SLC17A8: variants seen among roughly 807,000 people sequenced by gnomAD.
SLC17A8 encodes vesicular glutamate transporter 3.
In SLC17A8, 31 loss-of-function variants were observed where a neutral mutation model predicts 58.0. The ratio of observed to expected loss-of-function variants is 0.53; its 90% CI spans 0.40 to 0.72. The LOEUF (loss-of-function observed/expected upper bound fraction) is 0.72, where lower values mean the gene tolerates loss of function less well. Among genes scored for constraint, SLC17A8 ranks in the 30% least tolerant of loss-of-function variants. The pLI is 0.00. For missense variants in SLC17A8, 655 were observed against 727.8 expected, an observed-to-expected ratio of 0.90 and a Z score of 1.15; for synonymous variants, 228 against 249.0, an observed-to-expected ratio of 0.92 and a Z score of 0.79.
chr12:100,378,910 T>C (rs968874638), intron 1 of SLC17A8, among the ~76,000 whole-genome samples: 5 of 152,206 alleles, frequency 3.3e-5, no homozygotes, highest in African/African-American at 1.2e-4. Flanking sequence ...TTGATTTCAA[T>C]AAAACCCACA....
At chr12:100,359,298 C>CT (rs1350410847) in intron 1 of SLC17A8, among the ~76,000 whole-genome samples, 1 of 151,844 alleles carries the variant, frequency 6.6e-6, no homozygotes. Context: ...AATTTGATTG[C>CT]TTTTTTCAAT....
At chr12:100,395,577 G>A (rs911802292) in intron 4 of SLC17A8, among the ~76,000 whole-genome samples, 6 of 151,806 alleles carry the variant, frequency 4.0e-5, no homozygotes, top group Non-Finnish European at 7.4e-5. Context: ...CGCCCACCTC[G>A]GCCTCCCAAA....
chr12:100,401,542 C>T (rs1952791337), intron 5 of SLC17A8, among the ~76,000 whole-genome samples: 1 of 151,946 alleles, frequency 6.6e-6, no homozygotes, highest in South Asian at 2.1e-4. Context: ...GATGCTGGAG[C>T]AATCTTTGTC....
In SLC17A8 at chr12:100,390,990, C is replaced by T. The variant is rs1320492690; in HGVS notation, c.355-11C>T. 1.3e-6 allele frequency: 2 copies of T among 1,577,618 alleles called. No individual in the cohort carries two copies. The highest frequency in any genetic ancestry group is 1.7e-6 in the Non-Finnish European group (2 of 1,146,774). On this transcript the variant is annotated splice_polypyrimidine_tract_variant and intron_variant, in intron 2 of 11. Transcript: ENST00000323346. ...TAACAAACACAACTATATCTGATTT[C>T]TCATTTCCAGACAGCACAGTTTAAC... is the stretch of plus-strand genomic sequence containing the variant.
At position 100,375,131 on chromosome 12, in the gene SLC17A8, C is replaced by T. The variant is rs571199906; in HGVS notation, c.102-5570C>T. Reference sequence around the variant, plus strand: ...AGAAAGCAGATACCAAGACAGGACTCGGCACATACGAGATATGGTCTCGCT... The same window carrying T: ...AGAAAGCAGATACCAAGACAGGACTTGGCACATACGAGATATGGTCTCGCT... On this transcript the variant is annotated intron_variant, in intron 1 of 11. Transcript: ENST00000323346. 2.6e-4 allele frequency among the ~76,000 whole-genome samples: 38 copies of T among 148,764 alleles called. 1 individual carries two copies. In the South Asian group the frequency reaches 8.4e-3, roughly 33 times the overall value.
chr12:100,361,958 C>G (rs1384578539), intron 1 of SLC17A8, among the ~76,000 whole-genome samples: 1 of 151,738 alleles, frequency 6.6e-6, no homozygotes, highest in Non-Finnish European at 1.5e-5. Context: ...GAGACTCCAT[C>G]TCCAAAAAAA....
chr12:100,410,636 T>C (rs11110369), intron 9 of SLC17A8: 67,824 of 151,962 alleles, frequency 0.45, 15,622 homozygotes, highest in Non-Finnish European at 0.5. Context: ...CCAGTCTGGG[T>C]GACAGAGCAC....
At chr12:100,381,729 A>G (rs1474569535) in intron 2 of SLC17A8, among the ~76,000 whole-genome samples, 1 of 152,256 alleles carries the variant, frequency 6.6e-6, no homozygotes, top group East Asian at 1.9e-4. Context: ...AACACAAAGG[A>G]TGACAAAAGA....
At chr12:100,419,532 CAA>C (rs754527564) in intron 11 of SLC17A8, among the ~76,000 whole-genome samples, 11 of 104,626 alleles carry the variant, frequency 1.1e-4, no homozygotes, top group Admixed American at 1.0e-4. Context: ...GACTCCATCT[CAA>C]AAAAAAAAAA....
intron 1 of SLC17A8, among the ~76,000 whole-genome samples, chr12:100,373,377 G>A (rs920568131): frequency 1.2e-5 from 1 of 85,652 alleles, no homozygotes; most frequent in African/African-American, 7.8e-5. Flanking sequence ...CTTTTTTCTG[G>A]GCAGGATGAA....
In SLC17A8 at chr12:100,419,911, G is replaced by C; in HGVS notation, c.1522G>C (p.Glu508Gln). The change falls in exon 12 of 12, where the codon GAG becomes CAG. Residue 508 changes from glutamate (E) to glutamine (Q), a missense_variant. By Grantham distance (29) the Glu-to-Gln change is conservative. Coordinates refer to ENST00000323346, the MANE Select transcript of SLC17A8 (RefSeq NM_139319.3). The stretch of plus-strand genomic sequence containing the variant: ...GGTCTTTGCTTCTGGGGAGAAACAG[G>C]AGTGGGCTGACCCAGAGAATCTCTC... ...YGVFASGEKQEWADPENLSEE... is the reference protein window; with the variant it reads ...YGVFASGEKQQWADPENLSEE... 6.2e-7 allele frequency: 1 copy of C among 1,614,060 alleles called. No homozygotes were observed.
At chr12:100,358,922 G>T (rs1952465984) in intron 1 of SLC17A8, among the ~76,000 whole-genome samples, 2 of 152,138 alleles carry the variant, frequency 1.3e-5, no homozygotes, top group African/African-American at 4.8e-5. Context: ...TGGGAGGATC[G>T]CTTGAGGCCA....
In SLC17A8 at chr12:100,402,679, C is replaced by T. The variant is rs1952800254; in HGVS notation, c.987C>T (p.Thr329=). ...IIVANFCRSW[T]FYLLLISQPA... Reference sequence around the variant, plus strand: ...TGGCAAATTTTTGCAGAAGCTGGACCTTTTATTTGCTCCTCATAAGTCAGC... The same window carrying T: ...TGGCAAATTTTTGCAGAAGCTGGACTTTTTATTTGCTCCTCATAAGTCAGC... The change falls in exon 8 of 12, where the codon ACC becomes ACT. Residue 329 remains threonine (T), a synonymous_variant. Coordinates refer to ENST00000323346, the MANE Select transcript of SLC17A8 (RefSeq NM_139319.3). 3 of 1,614,058 alleles carry T rather than the reference C, an allele frequency of 1.9e-6. No homozygotes were observed. Among genetic ancestry groups the T allele is most frequent in the African/African-American group, 1.3e-5 (1 of 75,026 alleles).
chr12:100,405,370 G>A (rs760816433), intron 9 of SLC17A8, among the ~76,000 whole-genome samples: 1 of 152,172 alleles, frequency 6.6e-6, no homozygotes, highest in Non-Finnish European at 1.5e-5. Flanking sequence ...CTGTGAATAT[G>A]TTTCCTTACA....
intron 2 of SLC17A8, among the ~76,000 whole-genome samples, chr12:100,387,346 G>A (rs974602549): frequency 3.3e-5 from 5 of 152,130 alleles, no homozygotes; most frequent in African/African-American, 1.2e-4. Flanking sequence ...TTCCCTGATG[G>A]TTAGTGACAT....
chr12:100,373,232 C>T (rs1952570440), intron 1 of SLC17A8, among the ~76,000 whole-genome samples: 1 of 152,118 alleles, frequency 6.6e-6, no homozygotes, highest in Non-Finnish European at 1.5e-5. Context: ...CAACTGCAGT[C>T]AAGCAGGGAA....
chr12:100,421,676 T>C lies in SLC17A8; in HGVS notation c.*1517T>C, dbSNP rs1952951040. The C allele has an allele frequency of 1.4e-5, 2 of 146,212 alleles. No homozygotes were observed. Among genetic ancestry groups the C allele is most frequent in the African/African-American group, 2.5e-5 (1 of 40,600 alleles). 9.1% of individuals were successfully genotyped at this position (146,212 alleles called of 1,614,324 possible). A position where few individuals can be genotyped will look rare whatever the true frequency, so the allele number is the denominator to read the frequency against. On this transcript the variant is annotated 3_prime_UTR_variant, in exon 12 of 12. Coordinates refer to ENST00000323346, the MANE Select transcript of SLC17A8 (RefSeq NM_139319.3). The stretch of plus-strand genomic sequence containing the variant: ...GTAAAGTGTTTTTTTTTTTTTTTTT[T>C]TTTTCTAATTTCTCCCACATGTATT...
chr12:100,383,457 T>C (rs1056354073), intron 2 of SLC17A8, among the ~76,000 whole-genome samples: 7 of 152,218 alleles, frequency 4.6e-5, no homozygotes, highest in Admixed American at 1.3e-4. Flanking sequence ...GAACAAAGCT[T>C]AGATATCAAG....
intron 11 of SLC17A8, 26 bp from the exon 12 acceptor site, chr12:100,419,789 A>C (rs1566407220): frequency 1.2e-6 from 2 of 1,605,002 alleles, no homozygotes; most frequent in Non-Finnish European, 1.7e-6. Context: ...TTAAAACATT[A>C]ATTGGCACTT....
Sources: allele counts gnomAD v4.1 joint callset (sites outside exome capture counted in the v4.1 genomes callset), GRCh38; gene constraint gnomAD v4.1.1; transcripts MANE v1.5; gene names NCBI Gene and HGNC (gene_info 2026-07-23, HGNC 2026-07-21).